HSDL2: variants seen among roughly 807,000 people sequenced by gnomAD.
The protein encoded by HSDL2 is hydroxysteroid dehydrogenase like 2.
HSDL2 carries 27 observed loss-of-function variants against 46.3 expected under a neutral mutation model. That is an observed-to-expected ratio of 0.58 (90% CI 0.43 to 0.80). HSDL2 has a LOEUF of 0.80. Ranked by LOEUF, HSDL2 falls within the 30% of genes least tolerant of loss-of-function variation. HSDL2 has a pLI of 0.00. For synonymous variants in HSDL2, 153 were observed against 163.6 expected (o/e 0.94, Z 0.50); for missense variants, 451 against 502.7 (o/e 0.90, Z 0.98).
intron 1 of HSDL2, among the ~76,000 whole-genome samples, chr9:112,398,965 C>T (rs1831525777): frequency 6.6e-6 from 1 of 152,224 alleles, no homozygotes; most frequent in Non-Finnish European, 1.5e-5. Flanking sequence ...ACACAGACAA[C>T]TCACCAATTG....
intron 3 of HSDL2, among the ~76,000 whole-genome samples, chr9:112,408,353 T>C (rs911557097): frequency 3.3e-5 from 5 of 152,100 alleles, no homozygotes; most frequent in Admixed American, 6.6e-5. Flanking sequence ...TAGTTTCACA[T>C]GGAGCTCTGG....
intron 6 of HSDL2, among the ~76,000 whole-genome samples, chr9:112,430,117 C>T (rs1378740731): frequency 6.6e-6 from 1 of 152,066 alleles, no homozygotes; most frequent in East Asian, 1.9e-4. Context: ...AGATGTTTGG[C>T]CTTTCTGAGA....
At chr9:112,412,014 G>C (rs955121681) in intron 4 of HSDL2, among the ~76,000 whole-genome samples, 2 of 152,170 alleles carry the variant, frequency 1.3e-5, no homozygotes, top group Non-Finnish European at 2.9e-5. Context: ...TGAAGCCACA[G>C]ATATACATAT....
At chr9:112,457,787 A>G (rs7846977) in intron 9 of HSDL2, among the ~76,000 whole-genome samples, 145,539 of 152,272 alleles carry the variant, frequency 0.96, 69,615 homozygotes, top group African/African-American at 0.98. Flanking sequence ...ACCTAGTCTT[A>G]TGGTTCTGCC....
intron 7 of HSDL2, among the ~76,000 whole-genome samples, chr9:112,439,661 C>T (rs989077193): frequency 5.3e-5 from 8 of 152,226 alleles, no homozygotes; most frequent in African/African-American, 1.7e-4. Context: ...ATCATCCCTG[C>T]TCATCTCTGC....
At chr9:112,394,034 G>A (rs796879002) in intron 1 of HSDL2, among the ~76,000 whole-genome samples, 4 of 152,160 alleles carry the variant, frequency 2.6e-5, no homozygotes, top group African/African-American at 4.8e-5. Flanking sequence ...CAGGGATGCC[G>A]AAGAGGTAGA....
At position 112,470,573 on chromosome 9, in the gene HSDL2, T is replaced by A; in HGVS notation, c.*29T>A. ...AAAATATAAAAAAAAAGTCGACTGC[T>A]ATGCTCAAAAAGTAAAAAAAGCTCA... On this transcript the variant is annotated 3_prime_UTR_variant, in exon 11 of 11. Coordinates refer to ENST00000398805, the MANE Select transcript of HSDL2 (RefSeq NM_032303.5). The A allele has an allele frequency of 7.8e-7, 1 of 1,282,018 alleles. No homozygotes were observed. Among genetic ancestry groups the A allele is most frequent in the Non-Finnish European group, 1.1e-6 (1 of 904,286 alleles). 79.4% of individuals were successfully genotyped at this position (1,282,018 alleles called of 1,614,324 possible).
intron 4 of HSDL2, among the ~76,000 whole-genome samples, chr9:112,409,756 G>C (rs1432667032): frequency 7.9e-5 from 12 of 152,010 alleles, no homozygotes; most frequent in Admixed American, 7.9e-4. Flanking sequence ...AGGAGACTGA[G>C]GCAAGAGGAT....
At chr9:112,413,216 C>T (rs1831916686) in intron 4 of HSDL2, among the ~76,000 whole-genome samples, 1 of 152,034 alleles carries the variant, frequency 6.6e-6, no homozygotes, top group African/African-American at 2.4e-5. Flanking sequence ...TGGTGGCTCA[C>T]GCCTGTAATC....
Position 112,380,131 on chromosome 9 carries a change from T to A in HSDL2, c.-33T>A, listed in dbSNP as rs1181784774. ...TTAGCTCTCTGCTCGCCGCCGCCGCTGTCGCCGCCACCTCCTCTGATCTAC... is the reference window on the plus strand; with the variant it reads ...TTAGCTCTCTGCTCGCCGCCGCCGCAGTCGCCGCCACCTCCTCTGATCTAC... On this transcript the variant is annotated 5_prime_UTR_variant, in exon 1 of 11. Coordinates refer to ENST00000398805, the MANE Select transcript of HSDL2 (RefSeq NM_032303.5). 1.3e-6 allele frequency: 2 copies of A among 1,555,842 alleles called. No individual in the cohort carries two copies. Among genetic ancestry groups the A allele is most frequent in the Non-Finnish European group, 1.7e-6 (2 of 1,147,710 alleles).
chr9:112,450,264 C>G (rs1832853620), intron 8 of HSDL2, among the ~76,000 whole-genome samples: 1 of 132,474 alleles, frequency 7.5e-6, no homozygotes, highest in Non-Finnish European at 1.6e-5. Flanking sequence ...ACCCCCCCCC[C>G]ATCTCTACCA....
intron 8 of HSDL2, among the ~76,000 whole-genome samples, chr9:112,445,800 AG>A (rs1361868191): frequency 1.3e-5 from 2 of 151,942 alleles, no homozygotes; most frequent in African/African-American, 2.4e-5. Flanking sequence ...CTGGGATTAC[AG>A]GCATGAGCCA....
At chr9:112,453,552 C>G (rs1277333861) in intron 8 of HSDL2, among the ~76,000 whole-genome samples, 1 of 152,056 alleles carries the variant, frequency 6.6e-6, no homozygotes, top group Non-Finnish European at 1.5e-5. Flanking sequence ...ACCACCACGC[C>G]CAGCTAATTT....
intron 3 of HSDL2, among the ~76,000 whole-genome samples, chr9:112,407,694 A>G (rs1537054): frequency 0.9 from 136,635 of 152,288 alleles, 61,351 homozygotes; most frequent in South Asian, 0.96. Flanking sequence ...TGGGGTTACA[A>G]GCATGAGCCA....
At chr9:112,417,689 C>T (rs570546417) in intron 5 of HSDL2, among the ~76,000 whole-genome samples, 3 of 152,024 alleles carry the variant, frequency 2.0e-5, no homozygotes, top group South Asian at 4.1e-4. Flanking sequence ...AAAGAAGTTC[C>T]ACTTTAATTG....
Position 112,397,556 on chromosome 9 carries a change from C to T in HSDL2, c.18-6439C>T, listed in dbSNP as rs1831484521. The stretch of plus-strand genomic sequence containing the variant: ...GTAATTTATCCCAAGTTCTCATACA[C>T]ACCTTTGTTACTTGTTCCATGGTGA... On this transcript the variant is annotated intron_variant, in intron 1 of 10. Coordinates refer to ENST00000398805, the MANE Select transcript of HSDL2 (RefSeq NM_032303.5). Among the ~76,000 whole-genome samples the T allele has an allele frequency of 2.0e-5, 3 of 152,190 alleles. No individual in the cohort carries two copies. The East Asian group carries it at 5.8e-4, about 29-fold the overall frequency.
In HSDL2 at chr9:112,380,138, G is replaced by A. The variant is rs1385494256; in HGVS notation, c.-26G>A. 8 of 1,561,174 alleles carry A rather than the reference G, an allele frequency of 5.1e-6. No homozygotes were observed. Among genetic ancestry groups the A allele is most frequent in the Non-Finnish European group, 6.9e-6 (8 of 1,151,386 alleles). On this transcript the variant is annotated 5_prime_UTR_variant, in exon 1 of 11. Coordinates refer to ENST00000398805, the MANE Select transcript of HSDL2 (RefSeq NM_032303.5). ...TCTGCTCGCCGCCGCCGCTGTCGCC[G>A]CCACCTCCTCTGATCTACGAAAGTC...
At chr9:112,465,865 A>T (rs756477799) in intron 10 of HSDL2, among the ~76,000 whole-genome samples, 1 of 152,174 alleles carries the variant, frequency 6.6e-6, no homozygotes, top group Non-Finnish European at 1.5e-5. Flanking sequence ...ACAAGTTTCT[A>T]TGTGGCTTTA....
In HSDL2 at chr9:112,438,429, A is replaced by G; in HGVS notation, c.599-2A>G. 6.4e-7 allele frequency: 1 copy of G among 1,554,920 alleles called. No individual in the cohort carries two copies. Among genetic ancestry groups the G allele is most frequent in the South Asian group, 1.2e-5 (1 of 80,424 alleles). On this transcript the variant is annotated splice_acceptor_variant, in intron 6 of 10. Transcript: ENST00000398805. LOFTEE classifies it high-confidence loss of function. ...GTATGTGTGTGTGTGTTTTCTCTACAGCCATACACACTGCTGCTATGGATA... is the reference window on the plus strand; with the variant it reads ...GTATGTGTGTGTGTGTTTTCTCTACGGCCATACACACTGCTGCTATGGATA...
Sources: allele counts gnomAD v4.1 joint callset (sites outside exome capture counted in the v4.1 genomes callset), GRCh38; gene constraint gnomAD v4.1.1; transcripts MANE v1.5; gene names NCBI Gene and HGNC (gene_info 2026-07-23, HGNC 2026-07-21).